The following TNRC6B variants were observed in gnomAD, a reference collection of about 807,000 sequenced individuals.
TNRC6B encodes trinucleotide repeat-containing gene 6B protein.
Under a neutral mutation model 203.6 loss-of-function variants are expected in TNRC6B, and 52 were observed. That is an observed-to-expected ratio of 0.26 (90% confidence interval 0.20 to 0.32). TNRC6B has a LOEUF of 0.32. Among genes scored for constraint, TNRC6B ranks in the 10% least tolerant of loss-of-function variants. The pLI is 1.00. For synonymous variants in TNRC6B, 838 were observed against 845.7 expected (o/e 0.99, Z 0.16); for missense variants, 1,923 against 2,286.2 (o/e 0.84, Z 3.24).
At chr22:40,193,378 T>A (rs1046309959) in intron 1 of TNRC6B, among the ~76,000 whole-genome samples, 4 of 152,090 alleles carry the variant, frequency 2.6e-5, no homozygotes, top group Non-Finnish European at 4.4e-5. Context: ...TAATTAGGAG[T>A]GCCTCATATG....
chr22:40,135,403 T>C (rs2068591453), intron 3 of TNRC6B, among the ~76,000 whole-genome samples: 1 of 152,210 alleles, frequency 6.6e-6, no homozygotes, highest in South Asian at 2.1e-4. Flanking sequence ...GCCCAGATTA[T>C]CTTAGGCTGA....
chr22:40,163,449 C>G (rs1301414661), intron 4 of TNRC6B, among the ~76,000 whole-genome samples: 1 of 88,814 alleles, frequency 1.1e-5, no homozygotes, highest in Non-Finnish European at 2.2e-5. Flanking sequence ...AGAATGAGAC[C>G]CTGTCTCAAA....
intron 1 of TNRC6B, among the ~76,000 whole-genome samples, chr22:40,213,701 T>C (rs2069594539): frequency 6.6e-6 from 1 of 152,132 alleles, no homozygotes; most frequent in South Asian, 2.1e-4. Flanking sequence ...GATGAGTGCC[T>C]GGGAGGCTGC....
chr22:40,277,274 G>T, intron 8 of TNRC6B, 123 bp downstream of exon 8: 1 of 611,958 alleles, frequency 1.6e-6, no homozygotes, highest in Non-Finnish European at 2.6e-6. Context: ...GTTAAGCAAT[G>T]TTCTTGACCT....
intron 4 of TNRC6B, among the ~76,000 whole-genome samples, chr22:40,264,415 C>G (rs1318390703): frequency 6.6e-6 from 1 of 152,134 alleles, no homozygotes; most frequent in Non-Finnish European, 1.5e-5. Flanking sequence ...TTGCTATTGC[C>G]TTGTCCCAAG....
chr22:40,212,846 C>A lies in TNRC6B; in HGVS notation c.6-33169C>A, dbSNP rs1035921056. ...TGTATTTTTAGTAGAGACGGAGTTTCACCATGTTGGCCAGGCTGGTCTCAA... is the reference window on the plus strand; with the variant it reads ...TGTATTTTTAGTAGAGACGGAGTTTAACCATGTTGGCCAGGCTGGTCTCAA... On this transcript the variant is annotated intron_variant, in intron 1 of 22. Transcript: ENST00000454349. 4.5e-4 allele frequency among the ~76,000 whole-genome samples: 69 copies of A among 152,038 alleles called. 1 individual carries two copies. Among genetic ancestry groups the A allele is most frequent in the African/African-American group, 1.5e-3 (63 of 41,394 alleles).
chr22:40,127,532 G>T (rs892468559), intron 3 of TNRC6B, among the ~76,000 whole-genome samples: 51 of 152,012 alleles, frequency 3.4e-4, no homozygotes, highest in African/African-American at 1.2e-3. Context: ...AATTTCTGAG[G>T]TACATATACA....
intron 1 of TNRC6B, among the ~76,000 whole-genome samples, chr22:40,097,669 T>TACACACACACACACACAC (rs6147625): frequency 7.4e-6 from 1 of 135,554 alleles, no homozygotes; most frequent in African/African-American, 2.7e-5. Flanking sequence ...AGGTATATCA[T>TACACACACACACACACAC]ACACACACAC....
Position 40,178,078 on chromosome 22 carries a change from C to A in TNRC6B, c.-58C>A. On this transcript the variant is annotated 5_prime_UTR_variant, in exon 1 of 23. Coordinates refer to ENST00000454349, the MANE Select transcript of TNRC6B (RefSeq NM_001162501.2). ...AGAATTCATTTTTTGGACCTTTTTT[C>A]ATTTCCATTTCTACCTTGTATGCCT... 1.3e-6 allele frequency: 2 copies of A among 1,594,582 alleles called. No homozygotes were observed. The highest frequency in any genetic ancestry group is 3.4e-4 in the Middle Eastern group (2 of 5,932).
intron 19 of TNRC6B, among the ~76,000 whole-genome samples, chr22:40,313,338 G>C (rs555379658): frequency 6.6e-6 from 1 of 152,136 alleles, no homozygotes; most frequent in East Asian, 1.9e-4. Context: ...ACCAGTGAAG[G>C]CCAGGTTATT....
intron 2 of TNRC6B, among the ~76,000 whole-genome samples, chr22:40,121,666 T>C (rs1329148968): frequency 3.3e-5 from 5 of 152,224 alleles, no homozygotes; most frequent in East Asian, 1.9e-4. Context: ...ACAGCTGATA[T>C]GTAAATGAGC....
intron 5 of TNRC6B, among the ~76,000 whole-genome samples, chr22:40,268,659 C>T (rs916143139): frequency 1.3e-5 from 2 of 152,054 alleles, no homozygotes; most frequent in Admixed American, 1.3e-4. Context: ...CGCCTGTAAT[C>T]CCAGCACTTT....
At chr22:40,251,087 G>C in intron 2 of TNRC6B, 92 bp from the exon 3 acceptor site, 2 of 1,071,016 alleles carry the variant, frequency 1.9e-6, no homozygotes. Context: ...CTGACAGCTT[G>C]GATTACTTGA....
At chr22:40,228,695 ATT>A (rs977130124) in intron 1 of TNRC6B, among the ~76,000 whole-genome samples, 1 of 144,470 alleles carries the variant, frequency 6.9e-6, no homozygotes, top group East Asian at 2.1e-4. Flanking sequence ...AATTTTTTGT[ATT>A]TTTTTTTTAG....
chr22:40,092,686 CT>C (rs2068159650), intron 1 of TNRC6B, among the ~76,000 whole-genome samples: 1 of 151,950 alleles, frequency 6.6e-6, no homozygotes, highest in Admixed American at 6.6e-5. Flanking sequence ...TTTTTTAGTA[CT>C]TTTTTAGGGG....
In TNRC6B at chr22:40,200,508, T is replaced by G. The variant is rs146126804; in HGVS notation, c.5+22368T>G. ...TCATCATGTTAGCCAGGCTGGTCTC[T>G]AACTCCTGACCTCAGGTGATCTGCC... On this transcript the variant is annotated intron_variant, in intron 1 of 22. Coordinates refer to ENST00000454349, the MANE Select transcript of TNRC6B (RefSeq NM_001162501.2). Among the ~76,000 whole-genome samples the G allele has an allele frequency of 4.7e-3, 711 of 150,796 alleles. 8 individuals are homozygous for G. The highest frequency in any genetic ancestry group is 0.016 in the African/African-American group (650 of 41,118).
intron 1 of TNRC6B, among the ~76,000 whole-genome samples, chr22:40,057,473 A>T (rs1287522011): frequency 6.6e-6 from 1 of 151,822 alleles, no homozygotes; most frequent in Non-Finnish European, 1.5e-5. Context: ...TTGTATTTTT[A>T]GTAGAGACAG....
intron 3 of TNRC6B, among the ~76,000 whole-genome samples, chr22:40,137,842 G>C (rs1023114012): frequency 2.0e-5 from 3 of 151,960 alleles, no homozygotes; most frequent in Non-Finnish European, 4.4e-5. Context: ...AAATTAGCCG[G>C]GCATGGTGGC....
intron 1 of TNRC6B, among the ~76,000 whole-genome samples, chr22:40,240,887 A>G (rs1191711198): frequency 1.3e-5 from 2 of 152,126 alleles, no homozygotes; most frequent in Non-Finnish European, 2.9e-5. Flanking sequence ...CAGTGGCATG[A>G]TTATGACTCA....
Sources: allele counts gnomAD v4.1 joint callset (sites outside exome capture counted in the v4.1 genomes callset), GRCh38; gene constraint gnomAD v4.1.1; transcripts MANE v1.5; gene names NCBI Gene and HGNC (gene_info 2026-07-23, HGNC 2026-07-21).